DPP6: variants seen among roughly 807,000 people sequenced by gnomAD.
DPP6 encodes the protein A-type potassium channel modulatory protein DPP6.
Under a neutral mutation model 122.6 loss-of-function variants are expected in DPP6, and 69 were observed. The ratio of observed to expected loss-of-function variants is 0.56; its 90% confidence interval spans 0.46 to 0.69. The LOEUF (loss-of-function observed/expected upper bound fraction) is 0.69, where lower values mean the gene tolerates loss of function less well. DPP6 is among the 30% of genes least tolerant of loss of function. DPP6 has a pLI of 0.00. For synonymous variants in DPP6, 418 were observed against 433.1 expected (o/e 0.97, Z 0.43); for missense variants, 928 against 1,116.9 (o/e 0.83, Z 2.41).
At chr7:154,407,749 A>T (rs1343619806) in intron 1 of DPP6, among the ~76,000 whole-genome samples, 1 of 152,330 alleles carries the variant, frequency 6.6e-6, no homozygotes, top group South Asian at 2.1e-4. Context: ...TTTGAGGAGC[A>T]TGTGAATTCC....
intron 1 of DPP6, among the ~76,000 whole-genome samples, chr7:153,998,014 G>C (rs3864496): frequency 0.42 from 63,802 of 151,012 alleles, 14,142 homozygotes; most frequent in Middle Eastern, 0.49. Context: ...AGCACCATCA[G>C]GATGTCTCCA....
chr7:154,580,501 C>A (rs531019575), intron 5 of DPP6, among the ~76,000 whole-genome samples: 11 of 152,280 alleles, frequency 7.2e-5, no homozygotes, highest in Middle Eastern at 3.4e-3. Flanking sequence ...CTTCTTGCAG[C>A]CTGCTTTCCT....
intron 1 of DPP6, among the ~76,000 whole-genome samples, chr7:154,164,135 C>T (rs1475268319): frequency 2.0e-5 from 3 of 152,042 alleles, no homozygotes; most frequent in East Asian, 3.9e-4. Context: ...TATTTTCCTT[C>T]TCAGAATAGG....
At chr7:154,501,150 A>G (rs372044413) in intron 3 of DPP6, among the ~76,000 whole-genome samples, 2 of 152,172 alleles carry the variant, frequency 1.3e-5, no homozygotes, top group African/African-American at 4.8e-5. Context: ...TCTAAGTAGC[A>G]AGGCATTCAA....
chr7:154,483,268 C>T lies in DPP6; in HGVS notation c.457+8231C>T, dbSNP rs938837018. Among the ~76,000 whole-genome samples, 2 of 152,136 alleles carry T rather than the reference C, an allele frequency of 1.3e-5. No homozygotes were observed. The highest frequency in any genetic ancestry group is 2.9e-5 in the Non-Finnish European group (2 of 68,030). ...ATGAAAAACCACCCCACGGTGGCCA[C>T]GCACCTCTTCCTGGCTCACAGCCCC... On this transcript the variant is annotated intron_variant, in intron 3 of 25. Transcript: ENST00000377770. This position sits in a 1 kb window ranked among gnomAD's most constrained non-coding sequence, Gnocchi z 8.1.
intron 1 of DPP6, among the ~76,000 whole-genome samples, chr7:153,928,473 C>A (rs369163713): frequency 4.5e-5 from 6 of 133,960 alleles, no homozygotes; most frequent in African/African-American, 1.7e-4. Context: ...AACTCCCAAC[C>A]TCAGGTGATC....
chr7:153,928,593 G>T (rs1428911007), intron 1 of DPP6, among the ~76,000 whole-genome samples: 1 of 151,364 alleles, frequency 6.6e-6, no homozygotes, highest in Non-Finnish European at 1.5e-5. Flanking sequence ...TCTTCACATG[G>T]TACAGGGGAC....
the DPP6 span, among the ~76,000 whole-genome samples, chr7:153,829,098 G>A: frequency 3.9e-5 from 6 of 152,196 alleles, no homozygotes; most frequent in Non-Finnish European, 7.3e-5. Context: ...AGGAGCCAGT[G>A]TAGAAACAAT....
At chr7:153,840,250 A>G in the DPP6 span, among the ~76,000 whole-genome samples, 4 of 152,102 alleles carry the variant, frequency 2.6e-5, no homozygotes, top group South Asian at 2.1e-4. Flanking sequence ...AATATCAGAG[A>G]AAAAAAACAT....
At chr7:153,789,894 ATCT>A in the DPP6 span, among the ~76,000 whole-genome samples, 40 of 152,156 alleles carry the variant, frequency 2.6e-4, no homozygotes, top group Admixed American at 2.0e-3. Context: ...ACAATATATA[ATCT>A]TCTTCAAAGG....
chr7:154,049,083 A>G (rs1800163508), upstream of DPP6, among the ~76,000 whole-genome samples: 1 of 151,124 alleles, frequency 6.6e-6, no homozygotes, highest in Non-Finnish European at 1.5e-5. Flanking sequence ...GAAGAATTAA[A>G]CTCGACATTA....
the DPP6 span, among the ~76,000 whole-genome samples, chr7:153,843,962 T>A: frequency 2.6e-5 from 4 of 151,702 alleles, no homozygotes; most frequent in African/African-American, 9.7e-5. Flanking sequence ...TATAGCCCTA[T>A]CTTATCCATA....
At chr7:154,726,530 A>G (rs540064092) in intron 7 of DPP6, among the ~76,000 whole-genome samples, 1 of 152,290 alleles carries the variant, frequency 6.6e-6, no homozygotes, top group African/African-American at 2.4e-5. Flanking sequence ...CAGGGCACCA[A>G]GGCTGCACAG....
intron 1 of DPP6, among the ~76,000 whole-genome samples, chr7:153,892,925 C>T (rs1365549128): frequency 6.6e-6 from 1 of 152,072 alleles, no homozygotes; most frequent in Admixed American, 6.6e-5. Context: ...TATAACTAGA[C>T]GTTTCTTGAA....
chr7:153,767,895 G>A, the DPP6 span, among the ~76,000 whole-genome samples: 1 of 152,188 alleles, frequency 6.6e-6, no homozygotes, highest in Non-Finnish European at 1.5e-5. Flanking sequence ...TGTCCCCGTG[G>A]CAGGTGGGGC....
intron 1 of DPP6, among the ~76,000 whole-genome samples, chr7:154,429,458 T>C (rs1183274806): frequency 3.9e-5 from 6 of 152,184 alleles, no homozygotes; most frequent in Admixed American, 1.3e-4. Flanking sequence ...CTCTCTTTCT[T>C]GATTGTTGGA....
At chr7:154,582,904 C>CA (rs1563891087) in intron 5 of DPP6, among the ~76,000 whole-genome samples, 1 of 152,132 alleles carries the variant, frequency 6.6e-6, no homozygotes, top group East Asian at 1.9e-4. Context: ...GTTATACCCC[C>CA]GGGGGAAGGT....
At chr7:154,470,824 G>A (rs1197147634) in intron 2 of DPP6, among the ~76,000 whole-genome samples, 5 of 152,228 alleles carry the variant, frequency 3.3e-5, no homozygotes, top group Admixed American at 3.3e-4. Context: ...AATCCAAACA[G>A]TGAAAGCCAC....
At chr7:154,166,684 G>T (rs1332664056) in intron 1 of DPP6, among the ~76,000 whole-genome samples, 1 of 142,480 alleles carries the variant, frequency 7.0e-6, no homozygotes, top group East Asian at 2.0e-4. Context: ...GCTGAGGCAG[G>T]TGGATCACCT....
Sources: gnomAD v4.1 joint callset for allele counts (sites outside exome capture counted in the v4.1 genomes callset) on GRCh38, gnomAD v4.1.1 for gene constraint, Gnocchi (gnomAD v3.1) non-coding constraint, MANE v1.5 for transcripts, NCBI Gene and HGNC (gene_info 2026-07-23, HGNC 2026-07-21) for gene names.